Variants in PCDH15 observed in about 807,000 individuals in gnomAD.
PCDH15 encodes protocadherin-15.
PCDH15 carries 129 observed loss-of-function variants against 178.5 expected under a neutral mutation model. The ratio of observed to expected loss-of-function variants is 0.72; its 90% CI spans 0.63 to 0.84. The LOEUF (loss-of-function observed/expected upper bound fraction) is 0.84, where lower values mean the gene tolerates loss of function less well. Among genes scored for constraint, PCDH15 ranks in the 40% least tolerant of loss-of-function variants. PCDH15 has a pLI of 0.00. For missense variants in PCDH15, 2,230 were observed against 2,099.9 expected (o/e 1.06, Z -1.21); for synonymous variants, 800 against 732.0 (o/e 1.09, Z -1.50).
At position 55,416,390 on chromosome 10, in the gene PCDH15, T is replaced by G. The variant is rs571689651; in HGVS notation, c.-156+211235A>C. 2.6e-5 allele frequency among the ~76,000 whole-genome samples: 4 copies of G among 151,896 alleles called. No homozygotes were observed. In the East Asian group the frequency reaches 7.8e-4, roughly 29 times the overall value. Reference sequence around the variant, plus strand: ...CATCATATTCTCATGGAAGAGAATCTAATGTAAATGAAAGTGTTTTCATTT... The same window carrying G: ...CATCATATTCTCATGGAAGAGAATCGAATGTAAATGAAAGTGTTTTCATTT... On this transcript the variant is annotated intron_variant, in intron 2 of 5. Coordinates refer to the PCDH15 transcript ENST00000613346.
Position 54,718,006 on chromosome 10 carries a change from C to A in PCDH15, c.-28-53716G>T, listed in dbSNP as rs140568252. Among the ~76,000 whole-genome samples the A allele has an allele frequency of 4.0e-5, 6 of 148,572 alleles. No homozygotes were observed. In the East Asian group the frequency reaches 1.2e-3, roughly 29 times the overall value. The stretch of plus-strand genomic sequence containing the variant: ...AATCATCATTCTCAGTAAAATATCA[C>A]AAGGACAAAAAACCAAACACCGCAC... On this transcript the variant is annotated intron_variant, in intron 1 of 37. Transcript: ENST00000644397.
At chr10:54,286,116 T>C (rs1003623830) in intron 8 of PCDH15, among the ~76,000 whole-genome samples, 3 of 152,194 alleles carry the variant, frequency 2.0e-5, no homozygotes, top group Admixed American at 6.5e-5. Flanking sequence ...GATGAATAAG[T>C]TCTGGTGCTT....
intron 5 of PCDH15, among the ~76,000 whole-genome samples, chr10:54,362,848 T>A (rs1337490408): frequency 6.6e-6 from 1 of 152,120 alleles, no homozygotes; most frequent in Non-Finnish European, 1.5e-5. Flanking sequence ...CCGTAATTCA[T>A]ATAGTTCATA....
chr10:55,189,514 G>C (rs898546307), intron 1 of PCDH15, among the ~76,000 whole-genome samples: 1 of 151,750 alleles, frequency 6.6e-6, no homozygotes, highest in Admixed American at 6.6e-5. Context: ...CAAAATGTTA[G>C]ATTCTACAGA....
chr10:54,563,602 A>G (rs907983959), intron 2 of PCDH15, among the ~76,000 whole-genome samples: 1 of 152,178 alleles, frequency 6.6e-6, no homozygotes, highest in African/African-American at 2.4e-5. Context: ...GGTTCTCTAT[A>G]AATAATTGTG....
intron 2 of PCDH15, among the ~76,000 whole-genome samples, chr10:55,367,689 A>G (rs1845402134): frequency 6.6e-6 from 1 of 152,170 alleles, no homozygotes; most frequent in African/African-American, 2.4e-5. Context: ...TAGGTTGAAC[A>G]CAGAAGCAAA....
At chr10:54,243,189 T>G (rs528188014) in intron 8 of PCDH15, among the ~76,000 whole-genome samples, 1 of 152,330 alleles carries the variant, frequency 6.6e-6, no homozygotes, top group Non-Finnish European at 1.5e-5. Flanking sequence ...AATATTTAAT[T>G]TGTACACTTC....
chr10:54,629,141 CA>C (rs538343332), intron 2 of PCDH15, among the ~76,000 whole-genome samples: 2,120 of 147,084 alleles, frequency 0.014, 51 homozygotes, highest in African/African-American at 0.05. Context: ...TGCTTCAACA[CA>C]AAAAAAAAAT....
intron 2 of PCDH15, among the ~76,000 whole-genome samples, chr10:55,128,439 C>A (rs117863452): frequency 0.026 from 4,020 of 152,106 alleles, 86 homozygotes; most frequent in Non-Finnish European, 0.039. Flanking sequence ...AATTCTTAGG[C>A]TCCCTACTTA....
intron 2 of PCDH15, among the ~76,000 whole-genome samples, chr10:55,114,305 C>T (rs1372954762): frequency 6.6e-6 from 1 of 152,188 alleles, no homozygotes; most frequent in Non-Finnish European, 1.5e-5. Context: ...TAGCCTTTGA[C>T]TAATAAAACT....
intron 2 of PCDH15, among the ~76,000 whole-genome samples, chr10:55,076,810 C>T (rs957169967): frequency 7.6e-6 from 1 of 132,338 alleles, no homozygotes; most frequent in Non-Finnish European, 1.5e-5. Flanking sequence ...TGCTCTGTTG[C>T]CCAGGCTGGA....
intron 2 of PCDH15, among the ~76,000 whole-genome samples, chr10:54,602,343 C>A (rs1206651151): frequency 2.0e-5 from 3 of 151,868 alleles, no homozygotes; most frequent in African/African-American, 7.2e-5. Context: ...TTATTTAGAG[C>A]AACTTTACTA....
At chr10:53,969,733 C>T (rs1049774868) in intron 21 of PCDH15, among the ~76,000 whole-genome samples, 4 of 152,098 alleles carry the variant, frequency 2.6e-5, no homozygotes, top group Non-Finnish European at 4.4e-5. Flanking sequence ...AATTTTCAAC[C>T]CAGAATTTCA....
chr10:55,544,791 G>A (rs1273603384), intron 2 of PCDH15, among the ~76,000 whole-genome samples: 3 of 152,036 alleles, frequency 2.0e-5, no homozygotes, highest in Non-Finnish European at 4.4e-5. Context: ...GACACACACA[G>A]AAACACATAC....
intron 2 of PCDH15, among the ~76,000 whole-genome samples, chr10:55,388,864 A>C (rs944720531): frequency 6.6e-6 from 1 of 152,064 alleles, no homozygotes; most frequent in African/African-American, 2.4e-5. Context: ...TGTCTCCCCC[A>C]TCATTTGGAA....
intron 2 of PCDH15, among the ~76,000 whole-genome samples, chr10:54,898,125 G>C (rs769836676): frequency 6.6e-6 from 1 of 151,970 alleles, no homozygotes; most frequent in Non-Finnish European, 1.5e-5. Context: ...AGTGTGTGAG[G>C]CCTCCTCAGA....
chr10:54,801,171 A>G lies in PCDH15; in HGVS notation c.-275T>C, dbSNP rs768595337. 10 of 152,220 alleles carry G rather than the reference A, an allele frequency of 6.6e-5. No individual in the cohort carries two copies. Among genetic ancestry groups the G allele is most frequent in the Non-Finnish European group, 1.0e-4 (7 of 68,042 alleles). 9.4% of individuals were successfully genotyped at this position (152,220 alleles called of 1,614,324 possible). ...TTCAACATGTTAACTCAGAAAGCATACCATCATTCTCCACGTTCTGAGATG... is the reference window on the plus strand; with the variant it reads ...TTCAACATGTTAACTCAGAAAGCATGCCATCATTCTCCACGTTCTGAGATG... On this transcript the variant is annotated 5_prime_UTR_variant, in exon 1 of 38. Transcript: ENST00000644397.
At chr10:54,145,980 T>A (rs532709418) in intron 14 of PCDH15, among the ~76,000 whole-genome samples, 1 of 152,236 alleles carries the variant, frequency 6.6e-6, no homozygotes, top group South Asian at 2.1e-4. Context: ...TGTATTTATC[T>A]ACTGCTATCT....
At chr10:54,564,633 C>CT (rs2088728522) in intron 2 of PCDH15, among the ~76,000 whole-genome samples, 1 of 151,838 alleles carries the variant, frequency 6.6e-6, no homozygotes, top group African/African-American at 2.4e-5. Context: ...TAGAAAAGGG[C>CT]TTTTTATTTT....
Sources: allele counts gnomAD v4.1 joint callset (sites outside exome capture counted in the v4.1 genomes callset), GRCh38; gene constraint gnomAD v4.1.1; transcripts MANE v1.5; gene names NCBI Gene and HGNC (gene_info 2026-07-23, HGNC 2026-07-21).